The following BCAS3 variants were observed in gnomAD, a reference collection of about 807,000 sequenced individuals.
BCAS3 encodes the protein BCAS3 microtubule associated cell migration factor, also known as BCAS4/BCAS3 fusion.
Under a neutral mutation model 116.1 loss-of-function variants are expected in BCAS3, and 53 were observed. The observed-to-expected ratio is 0.46, with a 90% CI of 0.37 to 0.57. BCAS3 has a LOEUF of 0.57. Among genes scored for constraint, BCAS3 ranks in the 20% least tolerant of loss-of-function variants. The pLI is 0.00. For synonymous variants in BCAS3, 391 were observed against 408.2 expected (o/e 0.96, Z 0.51); for missense variants, 917 against 1,165.4 (o/e 0.79, Z 3.10).
At chr17:60,717,868 T>C (rs1355129556) in intron 5 of BCAS3, among the ~76,000 whole-genome samples, 2 of 152,148 alleles carry the variant, frequency 1.3e-5, no homozygotes, top group South Asian at 2.1e-4. Context: ...AATGAAATAA[T>C]TATACAACTC....
In BCAS3 at chr17:61,130,204, G is replaced by A. The variant is rs543316065; in HGVS notation, c.2425+45640G>A. 3.9e-5 allele frequency among the ~76,000 whole-genome samples: 6 copies of A among 152,266 alleles called. No individual in the cohort carries two copies. The East Asian group carries it at 7.7e-4, about 20-fold the overall frequency. On this transcript the variant is annotated intron_variant, in intron 22 of 23. Coordinates refer to ENST00000407086, the MANE Select transcript of BCAS3 (RefSeq NM_017679.5). This position sits in a 1 kb window ranked among gnomAD's most constrained non-coding sequence, Gnocchi z 5.0. ...TTATGTGACTAATTTTAAATTTACT[G>A]TAAACACTTTTTTATACGTCTCATG...
rs2082493427 is a variant in BCAS3, at chr17:61,228,564, T to G, written c.2426-139763T>G. On this transcript the variant is annotated intron_variant, in intron 22 of 23. Transcript: ENST00000407086. This position sits in a 1 kb window ranked among gnomAD's most constrained non-coding sequence, Gnocchi z 5.0. ...CACTTCGTGTCTCTGTGTCATACTATGGTAATTGTCACCAGCTTTCAAACT... is the reference window on the plus strand; with the variant it reads ...CACTTCGTGTCTCTGTGTCATACTAGGGTAATTGTCACCAGCTTTCAAACT... Among the ~76,000 whole-genome samples, 1 of 152,272 alleles carries G rather than the reference T, an allele frequency of 6.6e-6. No homozygotes were observed. The highest frequency in any genetic ancestry group is 6.5e-5 in the Admixed American group (1 of 15,280).
At chr17:61,331,307 T>A (rs1379368857) in intron 22 of BCAS3, among the ~76,000 whole-genome samples, 3 of 152,216 alleles carry the variant, frequency 2.0e-5, no homozygotes, top group African/African-American at 7.2e-5. Flanking sequence ...GACAAGTGCT[T>A]TGCCTTGTTT....
At chr17:60,890,841 A>C (rs1443689555) in intron 10 of BCAS3, among the ~76,000 whole-genome samples, 1 of 152,222 alleles carries the variant, frequency 6.6e-6, no homozygotes, top group Non-Finnish European at 1.5e-5. Flanking sequence ...AATATGAAAT[A>C]GTTCTTGACA....
chr17:61,289,940 C>T (rs145803244), intron 22 of BCAS3, among the ~76,000 whole-genome samples: 1 of 152,248 alleles, frequency 6.6e-6, no homozygotes, highest in Non-Finnish European at 1.5e-5. Context: ...GTCCTTGCCT[C>T]CAGGTTTCCT....
chr17:60,816,037 A>C (rs1289803384), intron 7 of BCAS3, among the ~76,000 whole-genome samples: 1 of 152,108 alleles, frequency 6.6e-6, no homozygotes, highest in African/African-American at 2.4e-5. Flanking sequence ...TATGTACTGT[A>C]CCTGGGTATT....
chr17:60,903,875 C>T (rs2058051242), intron 11 of BCAS3, among the ~76,000 whole-genome samples: 2 of 152,126 alleles, frequency 1.3e-5, no homozygotes, highest in African/African-American at 2.4e-5. Flanking sequence ...CAAAATACAA[C>T]GAGATCTTTT....
chr17:60,740,454 A>G (rs1328522271), intron 5 of BCAS3, among the ~76,000 whole-genome samples: 4 of 148,614 alleles, frequency 2.7e-5, no homozygotes, highest in Admixed American at 6.8e-5. Flanking sequence ...AGCCGAGATC[A>G]TGGTACTACA....
intron 5 of BCAS3, among the ~76,000 whole-genome samples, chr17:60,720,667 T>C (rs1244641120): frequency 6.6e-6 from 1 of 152,212 alleles, no homozygotes; most frequent in Admixed American, 6.5e-5. Context: ...AGTATAGCTA[T>C]TTACATAGCA....
chr17:60,947,502 A>G (rs2060572016), intron 14 of BCAS3, 150 bp downstream of exon 14: 2 of 868,752 alleles, frequency 2.3e-6, no homozygotes, highest in Admixed American at 5.5e-5. Context: ...ATAGGGAAAA[A>G]TTCCGTTTTG....
At chr17:61,341,665 G>A (rs1042644279) in intron 22 of BCAS3, among the ~76,000 whole-genome samples, 3 of 152,136 alleles carry the variant, frequency 2.0e-5, no homozygotes, top group South Asian at 2.1e-4. Context: ...AATCACACTC[G>A]ATTGACAGTT....
chr17:60,837,256 C>T (rs186307980), intron 7 of BCAS3, among the ~76,000 whole-genome samples: 338 of 152,260 alleles, frequency 2.2e-3, no homozygotes, highest in Admixed American at 3.7e-3. Context: ...CCTAAACATC[C>T]ACAACCTTGT....
rs768344750 is a variant in BCAS3, at chr17:61,162,639, A to G, written c.2425+78075A>G. Among the ~76,000 whole-genome samples, 24 of 152,266 alleles carry G rather than the reference A, an allele frequency of 1.6e-4. No individual in the cohort carries two copies. Among genetic ancestry groups the G allele is most frequent in the Non-Finnish European group, 3.4e-4 (23 of 68,002 alleles). On this transcript the variant is annotated intron_variant, in intron 22 of 23. Coordinates refer to ENST00000407086, the MANE Select transcript of BCAS3 (RefSeq NM_017679.5). This position sits in a 1 kb window ranked among gnomAD's most constrained non-coding sequence, Gnocchi z 5.6. ...GCAGACTTCCCCAATAACATTTTGCAGTTTTCAGCTTTTAGTTGTTGAAAA... is the reference window on the plus strand; with the variant it reads ...GCAGACTTCCCCAATAACATTTTGCGGTTTTCAGCTTTTAGTTGTTGAAAA...
chr17:60,780,123 T>A (rs1220676717), intron 6 of BCAS3, among the ~76,000 whole-genome samples: 1 of 151,774 alleles, frequency 6.6e-6, no homozygotes, highest in East Asian at 1.9e-4. Context: ...CCCGAGTAGC[T>A]GGGACTACAG....
intron 6 of BCAS3, among the ~76,000 whole-genome samples, chr17:60,783,837 C>T (rs981020541): frequency 6.6e-6 from 1 of 152,068 alleles, no homozygotes; most frequent in Non-Finnish European, 1.5e-5. Flanking sequence ...GATAATGCTA[C>T]AGGTTTGATT....
intron 14 of BCAS3, among the ~76,000 whole-genome samples, chr17:60,976,094 T>G (rs1410987675): frequency 7.9e-6 from 1 of 126,330 alleles, no homozygotes; most frequent in Non-Finnish European, 1.6e-5. Context: ...AGTGGCTCAC[T>G]GCAAGTGCAA....
At chr17:61,330,189 T>C (rs796181799) in intron 22 of BCAS3, among the ~76,000 whole-genome samples, 9 of 152,254 alleles carry the variant, frequency 5.9e-5, no homozygotes, top group African/African-American at 2.2e-4. Context: ...TCTTCGTTTC[T>C]TCCTACCTTC....
Position 61,361,972 on chromosome 17 carries a change from A to G in BCAS3, c.2426-6355A>G, listed in dbSNP as rs1003087614. 1 of 152,404 alleles carries G rather than the reference A, an allele frequency of 6.6e-6. No homozygotes were observed. Among genetic ancestry groups the G allele is most frequent in the African/African-American group, 2.4e-5 (1 of 41,442 alleles). The allele number at this position is 152,404 out of a possible 1,614,324, so 9.4% of individuals were successfully genotyped here. The stretch of plus-strand genomic sequence containing the variant: ...GAGGGCAATCTTCTTTCCTCAGTCT[A>G]CCAACTCGAATGCTAATCTCTCCCA... On this transcript the variant is annotated intron_variant, in intron 22 of 23. Transcript: ENST00000407086. The surrounding 1 kb of genome is among the most constrained non-coding windows in gnomAD (Gnocchi z 6.5).
At chr17:60,718,510 C>T (rs1469870766) in intron 5 of BCAS3, among the ~76,000 whole-genome samples, 1 of 152,172 alleles carries the variant, frequency 6.6e-6, no homozygotes, top group Non-Finnish European at 1.5e-5. Flanking sequence ...TCTTTGCTCA[C>T]TGCAGCCTCT....
Sources: gnomAD v4.1 joint callset for allele counts (sites outside exome capture counted in the v4.1 genomes callset) on GRCh38, gnomAD v4.1.1 for gene constraint, Gnocchi (gnomAD v3.1) non-coding constraint, MANE v1.5 for transcripts, NCBI Gene and HGNC (gene_info 2026-07-23, HGNC 2026-07-21) for gene names.